Variants in CLASP1 observed in about 807,000 individuals in gnomAD.
The protein encoded by CLASP1 is CLIP-associating protein 1.
Under a neutral mutation model 192.3 loss-of-function variants are expected in CLASP1, and 38 were observed. The observed-to-expected ratio is 0.20, with a 90% CI of 0.15 to 0.26. The LOEUF is 0.26. CLASP1 is among the 10% of genes least tolerant of loss of function. CLASP1 has a pLI of 1.00. For synonymous variants in CLASP1, 691 were observed against 712.8 expected, an observed-to-expected ratio of 0.97 and a Z score of 0.49; for missense variants, 1,433 against 1,932.5, an observed-to-expected ratio of 0.74 and a Z score of 4.85.
At chr2:121,434,480 G>A (rs1385133753) in intron 19 of CLASP1, among the ~76,000 whole-genome samples, 1 of 151,816 alleles carries the variant, frequency 6.6e-6, no homozygotes, top group Non-Finnish European at 1.5e-5. Flanking sequence ...TGCCCAGGCT[G>A]GTCTCAAACT....
At chr2:121,489,660 T>C (rs1361263886) in intron 8 of CLASP1, among the ~76,000 whole-genome samples, 3 of 152,366 alleles carry the variant, frequency 2.0e-5, no homozygotes, top group Non-Finnish European at 4.4e-5. Context: ...CACTTCGATA[T>C]TGGCCAAACC....
chr2:121,573,978 G>A (rs576184235), intron 2 of CLASP1, among the ~76,000 whole-genome samples: 14 of 152,162 alleles, frequency 9.2e-5, no homozygotes, highest in African/African-American at 2.4e-4. Flanking sequence ...GGGGGATTCC[G>A]CTGGGGAGAC....
intron 1 of CLASP1, among the ~76,000 whole-genome samples, chr2:121,620,855 G>A (rs1216255238): frequency 6.6e-6 from 1 of 151,760 alleles, no homozygotes; most frequent in African/African-American, 2.4e-5. Context: ...TTTCTTGATG[G>A]TGCCATTTGA....
chr2:121,519,384 C>A (rs1041881995), intron 6 of CLASP1, among the ~76,000 whole-genome samples: 1 of 152,160 alleles, frequency 6.6e-6, no homozygotes, highest in African/African-American at 2.4e-5. Flanking sequence ...GGCAGGGAAC[C>A]CTGGAGGCAG....
intron 37 of CLASP1, among the ~76,000 whole-genome samples, chr2:121,356,861 G>T (rs112507129): frequency 2.5e-4 from 38 of 152,138 alleles, no homozygotes; most frequent in Non-Finnish European, 4.7e-4. Context: ...TACTCTAAGG[G>T]GTAGAACTAG....
exon 40 of CLASP1, chr2:121,340,922 T>C: frequency 6.2e-7 from 1 of 1,609,614 alleles, no homozygotes; most frequent in Non-Finnish European, 8.5e-7. Flanking sequence ...CTGGGCCCTC[T>C]TTATGTATAA....
At chr2:121,483,279 T>C (rs1436613846) in intron 8 of CLASP1, among the ~76,000 whole-genome samples, 1 of 152,180 alleles carries the variant, frequency 6.6e-6, no homozygotes, top group Non-Finnish European at 1.5e-5. Context: ...TTCAAGCTTC[T>C]CTCTGTGGAA....
chr2:121,623,436 G>T (rs1421745957), intron 1 of CLASP1, among the ~76,000 whole-genome samples: 1 of 152,194 alleles, frequency 6.6e-6, no homozygotes, highest in Non-Finnish European at 1.5e-5. Flanking sequence ...CAGTTTGCAA[G>T]TATTTTGTTG....
chr2:121,410,744 A>C, intron 24 of CLASP1, 122 bp downstream of exon 25: 1 of 585,690 alleles, frequency 1.7e-6, no homozygotes, highest in Non-Finnish European at 2.9e-6. Flanking sequence ...ACATTAACAC[A>C]ATTTTAAAGA....
chr2:121,416,041 G>A (rs2078513281), intron 23 of CLASP1, among the ~76,000 whole-genome samples: 1 of 152,170 alleles, frequency 6.6e-6, no homozygotes, highest in South Asian at 2.1e-4. Context: ...TCTTAAGACT[G>A]AAGCAAACTA....
chr2:121,546,517 G>C (rs1300048950), intron 2 of CLASP1, among the ~76,000 whole-genome samples: 4 of 151,996 alleles, frequency 2.6e-5, no homozygotes, highest in Non-Finnish European at 5.9e-5. Context: ...GAGTGAAATG[G>C]AGCCAGGGGA....
intron 28 of CLASP1, among the ~76,000 whole-genome samples, chr2:121,400,716 TATG>T (rs1316236017): frequency 1.3e-5 from 2 of 152,270 alleles, no homozygotes; most frequent in Non-Finnish European, 2.9e-5. Flanking sequence ...CTTGAAATTC[TATG>T]ATAACTAGAA....
intron 37 of CLASP1, 84 bp downstream of exon 38, chr2:121,363,088 C>A: frequency 6.4e-7 from 1 of 1,551,298 alleles, no homozygotes; most frequent in Non-Finnish European, 8.8e-7. Flanking sequence ...AAGCTGTGCA[C>A]TGATTCTGAT....
At chr2:121,494,895 G>A (rs576371342) in intron 8 of CLASP1, among the ~76,000 whole-genome samples, 4 of 151,940 alleles carry the variant, frequency 2.6e-5, no homozygotes, top group Middle Eastern at 3.4e-3. Flanking sequence ...GGTGGTGGGC[G>A]CCTGTAGTCT....
chr2:121,499,952 C>T (rs950999555), intron 8 of CLASP1, among the ~76,000 whole-genome samples: 2 of 152,274 alleles, frequency 1.3e-5, no homozygotes, highest in Non-Finnish European at 1.5e-5. Flanking sequence ...TGTCTCACCA[C>T]TCTTATCTTA....
At chr2:121,556,344 C>A (rs2058570710) in intron 2 of CLASP1, among the ~76,000 whole-genome samples, 1 of 152,094 alleles carries the variant, frequency 6.6e-6, no homozygotes, top group Non-Finnish European at 1.5e-5. Flanking sequence ...TCAACACCAT[C>A]CAAGGGCTCC....
chr2:121,511,606 A>G (rs2094138429), intron 7 of CLASP1, among the ~76,000 whole-genome samples: 1 of 150,934 alleles, frequency 6.6e-6, no homozygotes, highest in East Asian at 1.9e-4. Flanking sequence ...AAAAAAAGAG[A>G]GAGAGAGAGA....
At chr2:121,366,617 T>C (rs11901024) in intron 35 of CLASP1, among the ~76,000 whole-genome samples, 1 of 152,356 alleles carries the variant, frequency 6.6e-6, no homozygotes, top group East Asian at 1.9e-4. Flanking sequence ...CCAGGCACTG[T>C]GTCTCATGTG....
intron 2 of CLASP1, among the ~76,000 whole-genome samples, chr2:121,542,868 T>C (rs1020237732): frequency 2.0e-5 from 3 of 152,168 alleles, no homozygotes; most frequent in African/African-American, 7.2e-5. Flanking sequence ...GCCAGCAATA[T>C]GGCAAGTCAC....
Sources: allele counts gnomAD v4.1 joint callset (sites outside exome capture counted in the v4.1 genomes callset), GRCh38; gene constraint gnomAD v4.1.1; transcripts MANE v1.5; gene names NCBI Gene and HGNC (gene_info 2026-07-23, HGNC 2026-07-21).